TBC1D10A: variants seen among roughly 807,000 people sequenced by gnomAD.
TBC1D10A encodes the protein TBC1 domain family member 10A, also known as EBP50-PDX interactor of 64 kDa.
TBC1D10A carries 24 observed loss-of-function variants against 52.9 expected under a neutral mutation model. The ratio of observed to expected loss-of-function variants is 0.45; its 90% CI spans 0.33 to 0.64. The LOEUF (loss-of-function observed/expected upper bound fraction) is 0.64, where lower values mean the gene tolerates loss of function less well. Ranked by LOEUF, TBC1D10A falls within the 30% of genes least tolerant of loss-of-function variation. The probability of loss-of-function intolerance (pLI) is 0.02; values close to 1 mark genes in which losing one functional copy is unlikely to be tolerated. For missense variants in TBC1D10A, 602 were observed against 687.9 expected (o/e 0.88, Z 1.40); for synonymous variants, 278 against 282.9 (o/e 0.98, Z 0.17).
intron 3 of TBC1D10A, chr22:30,296,632 T>C (rs559620884): frequency 1.3e-5 from 2 of 152,378 alleles, no homozygotes; most frequent in South Asian, 2.1e-4. Flanking sequence ...TATGTGCACC[T>C]TTACAAAACA....
chr22:30,295,210 T>G (rs546123513), intron 4 of TBC1D10A, among the ~76,000 whole-genome samples, 155 bp from the exon 5 acceptor site: 1 of 152,180 alleles, frequency 6.6e-6, no homozygotes. Flanking sequence ...AGTCTCCTAC[T>G]GGAGCACATG....
intron 2 of TBC1D10A, among the ~76,000 whole-genome samples, chr22:30,300,866 G>A (rs779949772): frequency 3.3e-5 from 5 of 152,316 alleles, no homozygotes; most frequent in South Asian, 2.1e-4. Context: ...TCTGCCACTC[G>A]TAGAATGGGA....
At position 30,292,373 on chromosome 22, in the gene TBC1D10A, G is replaced by T. The variant is rs767480614; in HGVS notation, c.*2C>A. The T allele has an allele frequency of 2.6e-6, 4 of 1,533,802 alleles. No homozygotes were observed. The highest frequency in any genetic ancestry group is 3.5e-6 in the Non-Finnish European group (4 of 1,140,296). On this transcript the variant is annotated 3_prime_UTR_variant, in exon 9 of 9. Transcript: ENST00000215790. ...CCGCCCTGGAGGCCTTAGCTGCCAG[G>T]GTTACAAGTAGGTGTCCTCACTCTC...
intron 2 of TBC1D10A, 82 bp downstream of exon 2, chr22:30,304,449 T>A: frequency 6.3e-7 from 1 of 1,592,684 alleles, no homozygotes. Flanking sequence ...TCTGCTTTCC[T>A]AAGCTGATGA....
Position 30,292,838 on chromosome 22 carries a change from G to A in TBC1D10A, c.1064C>T (p.Pro355Leu), listed in dbSNP as rs77509077. The change falls in exon 9 of 9, where the codon CCC becomes CTC. Residue 355 changes from proline (P) to leucine (L), a missense_variant. Pro to Leu is a moderately conservative substitution (Grantham distance 98, BLOSUM62 -3). Transcript: ENST00000215790. ...AFLVQEVVEL[P>L]VTERQIEREH... ...GCGCTCAATCTGGCGCTCTGTCACG[G>A]GCAACTCCACCACCTGCAGGGGCAG... The A allele has an allele frequency of 4.5e-5, 73 of 1,610,986 alleles. No homozygotes were observed. In the African/African-American group the frequency reaches 9.1e-4, roughly 20 times the overall value.
Position 30,299,471 on chromosome 22 carries a change from C to T in TBC1D10A, c.390G>A (p.Lys130=). Residue 130 remains lysine (K), a synonymous_variant, in exon 3 of 9, where the codon AAG becomes AAA. Transcript: ENST00000215790. ...AWQYLSGGKV[K]LQQNPGKFDE... ...CAAACTTTCCAGGGTTCTGCTGTAA[C>T]TTCACCTTGCCTCCTGACAGGTACT... 6.2e-7 allele frequency: 1 copy of T among 1,614,192 alleles called. No homozygotes were observed. The highest frequency in any genetic ancestry group is 8.5e-7 in the Non-Finnish European group (1 of 1,180,016).
chr22:30,324,402 G>T (rs1930723290), intron 1 of TBC1D10A, among the ~76,000 whole-genome samples: 1 of 152,178 alleles, frequency 6.6e-6, no homozygotes, highest in African/African-American at 2.4e-5. Context: ...TTGACTGACA[G>T]GCTCCAGAAA....
At chr22:30,314,994 A>C (rs1930505778) in intron 1 of TBC1D10A, among the ~76,000 whole-genome samples, 1 of 152,132 alleles carries the variant, frequency 6.6e-6, no homozygotes, top group African/African-American at 2.4e-5. Context: ...CGGGATGCCC[A>C]CCTTTGCTCT....
At chr22:30,293,119 G>T (rs561097417) in intron 8 of TBC1D10A, 3 of 625,308 alleles carry the variant, frequency 4.8e-6, no homozygotes, top group Admixed American at 2.7e-5. Flanking sequence ...GGGGCTAAAG[G>T]GGTAAGACCC....
At chr22:30,322,916 A>T in intron 1 of TBC1D10A, among the ~76,000 whole-genome samples, 1 of 138,760 alleles carries the variant, frequency 7.2e-6, no homozygotes. Flanking sequence ...TTTTTGAGAC[A>T]GGGTCATGTT....
In TBC1D10A at chr22:30,323,245, G is replaced by A. The variant is rs9608882; in HGVS notation, c.209+3428C>T. ...ACTTGAAATGTCTCCCCGCAAATAA[G>A]TATTAATTACTCCACCGCAGGCCTG... is the stretch of plus-strand genomic sequence containing the variant. On this transcript the variant is annotated intron_variant, in intron 1 of 8. Coordinates refer to ENST00000215790, the MANE Select transcript of TBC1D10A (RefSeq NM_031937.3). Among the ~76,000 whole-genome samples, 3 of 152,122 alleles carry A rather than the reference G, an allele frequency of 2.0e-5. No individual in the cohort carries two copies. In the South Asian group the frequency reaches 6.2e-4, roughly 32 times the overall value.
chr22:30,295,718 T>C lies in TBC1D10A; in HGVS notation c.524+19A>G. On this transcript the variant is annotated intron_variant, in intron 4 of 8. Transcript: ENST00000215790. ...GGCCCTAGAGCCACCTCCCACCTCA[T>C]GAGGCCCAGCCTGCTCACCCGTGGC... is the stretch of plus-strand genomic sequence containing the variant. 1 of 1,613,430 alleles carries C rather than the reference T, an allele frequency of 6.2e-7. No individual in the cohort carries two copies. The highest frequency in any genetic ancestry group is 8.5e-7 in the Non-Finnish European group (1 of 1,179,674).
Position 30,304,070 on chromosome 22 carries a change from C to A in TBC1D10A, c.309+461G>T, listed in dbSNP as rs182652232. On this transcript the variant is annotated intron_variant, in intron 2 of 8. Coordinates refer to ENST00000215790, the MANE Select transcript of TBC1D10A (RefSeq NM_031937.3). ...AAAGGTACACTGCTTGGGTTCAAAT[C>A]TTGACCAGGTCATCTGTAAAGTGGG... 3.3e-5 allele frequency among the ~76,000 whole-genome samples: 5 copies of A among 152,310 alleles called. No individual in the cohort carries two copies. The East Asian group carries it at 9.6e-4, about 29-fold the overall frequency.
intron 4 of TBC1D10A, among the ~76,000 whole-genome samples, chr22:30,295,466 C>G (rs1189287110): frequency 6.6e-6 from 1 of 152,244 alleles, no homozygotes; most frequent in East Asian, 1.9e-4. Flanking sequence ...ACCCAATTCC[C>G]TCTATCCCTC....
chr22:30,320,181 T>C (rs1282233017), intron 1 of TBC1D10A, among the ~76,000 whole-genome samples: 6 of 152,172 alleles, frequency 3.9e-5, no homozygotes, highest in Admixed American at 3.3e-4. Context: ...TTATGCAGCA[T>C]GTTGGGGTCA....
intron 2 of TBC1D10A, among the ~76,000 whole-genome samples, chr22:30,303,106 C>T (rs1383961600): frequency 6.6e-6 from 1 of 152,150 alleles, no homozygotes; most frequent in African/African-American, 2.4e-5. Context: ...CATGGTGAAA[C>T]CCCATCTCTA....
intron 2 of TBC1D10A, among the ~76,000 whole-genome samples, chr22:30,301,398 T>G (rs1041728763): frequency 6.6e-6 from 1 of 152,208 alleles, no homozygotes; most frequent in African/African-American, 2.4e-5. Flanking sequence ...TGGGTTTGAA[T>G]CTAGCGCTGA....
chr22:30,299,290 TG>T, intron 3 of TBC1D10A, 153 bp downstream of exon 3: 1 of 711,778 alleles, frequency 1.4e-6, no homozygotes, highest in Non-Finnish European at 2.4e-6. Flanking sequence ...TGGGCCGGTC[TG>T]GCCTGCTGGG....
At position 30,293,795 on chromosome 22, in the gene TBC1D10A, G is replaced by T. The variant is rs780360780; in HGVS notation, c.906C>A (p.Ile302=). Residue 302 remains isoleucine (I), a synonymous_variant, in exon 8 of 9, where the codon ATC becomes ATA. Coordinates refer to ENST00000215790, the MANE Select transcript of TBC1D10A (RefSeq NM_031937.3). ...WDMFFCEGVK[I]IFRVGLVLLK... ...GCAGCACCAGCCCCACCCGGAAGAT[G>T]ATCTTGACCCCTGCATGGGGGATGG... 7 of 1,611,332 alleles carry T rather than the reference G, an allele frequency of 4.3e-6. No homozygotes were observed. In the African/African-American group the frequency reaches 6.7e-5, roughly 15 times the overall value.
Sources: gnomAD v4.1 joint callset for allele counts (sites outside exome capture counted in the v4.1 genomes callset) on GRCh38, gnomAD v4.1.1 for gene constraint, MANE v1.5 for transcripts, NCBI Gene and HGNC (gene_info 2026-07-23, HGNC 2026-07-21) for gene names.